KIF26B: variants seen among roughly 807,000 people sequenced by gnomAD.
KIF26B encodes kinesin family member 26B.
Under a neutral mutation model 151.2 loss-of-function variants are expected in KIF26B, and 63 were observed. The ratio of observed to expected loss-of-function variants is 0.42; its 90% CI spans 0.34 to 0.51. The LOEUF (loss-of-function observed/expected upper bound fraction) is 0.51. Ranked by LOEUF, KIF26B falls within the 20% of genes least tolerant of loss-of-function variation. The pLI, the probability that KIF26B is intolerant of heterozygous loss-of-function variation, is 0.07. For missense variants in KIF26B, 2,813 were observed against 2,913.6 expected (o/e 0.97, Z 0.79); for synonymous variants, 1,357 against 1,262.1 (o/e 1.08, Z -1.59).
chr1:245,570,226 A>G (rs904153169), intron 5 of KIF26B, among the ~76,000 whole-genome samples: 2 of 152,004 alleles, frequency 1.3e-5, no homozygotes, highest in African/African-American at 4.8e-5. Context: ...GTGAGCCACC[A>G]TGCCTGGCCT....
Position 245,464,557 on chromosome 1 carries a change from CTGTGTGGG to C in KIF26B, c.1166+44827_1166+44834del, listed in dbSNP as rs796760158. Among the ~76,000 whole-genome samples the C allele has an allele frequency of 8.5e-3, 1,000 of 117,502 alleles. 15 individuals are homozygous for C. The highest frequency in any genetic ancestry group is 0.032 in the African/African-American group (942 of 29,856). 77.1% of individuals were successfully genotyped at this position (117,502 alleles called of 152,430 possible). On this transcript the variant is annotated intron_variant, in intron 4 of 14. Transcript: ENST00000407071. ...TGTGTGGGTGTGCGTGGGTGTGTTC[CTGTGTGGG>C]TGTGTGGGTGTGTGTGCACGTGTGT...
chr1:245,307,448 C>A (rs1671576233), intron 2 of KIF26B, among the ~76,000 whole-genome samples: 1 of 152,070 alleles, frequency 6.6e-6, no homozygotes, highest in African/African-American at 2.4e-5. Context: ...AATATCTATT[C>A]AAGTTCAGCA....
At chr1:245,393,143 C>A (rs1454755097) in intron 3 of KIF26B, among the ~76,000 whole-genome samples, 1 of 152,092 alleles carries the variant, frequency 6.6e-6, no homozygotes, top group African/African-American at 2.4e-5. Context: ...TGCACTCCAG[C>A]CTGGGCAACA....
Position 245,203,246 on chromosome 1 carries a change from C to CAAAAA in KIF26B, c.465+46572_465+46576dup, listed in dbSNP as rs562600864. ...TGGGTGACAGAGCGCGACTCTGTCT[C>CAAAAA]AAAAAAAAAAAAAGAAAATGAGTTA... On this transcript the variant is annotated intron_variant, in intron 2 of 14. Coordinates refer to ENST00000407071, the MANE Select transcript of KIF26B (RefSeq NM_018012.4). Among the ~76,000 whole-genome samples the CAAAAA allele has an allele frequency of 9.8e-4, 29 of 29,566 alleles. 1 individual carries two copies. Among genetic ancestry groups the CAAAAA allele is most frequent in the African/African-American group, 2.3e-3 (12 of 5,158 alleles). 19.4% of individuals were successfully genotyped at this position (29,566 alleles called of 152,430 possible). A position where few individuals can be genotyped will look rare whatever the true frequency, so the allele number is the denominator to read the frequency against.
chr1:245,435,016 C>CATCA lies in KIF26B; in HGVS notation c.1166+15274_1166+15275insAATC, dbSNP rs1311448705. Among the ~76,000 whole-genome samples the CATCA allele has an allele frequency of 1.9e-3, 284 of 148,666 alleles. 1 individual carries two copies. The highest frequency in any genetic ancestry group is 6.8e-3 in the African/African-American group (275 of 40,180). On this transcript the variant is annotated intron_variant, in intron 4 of 14. Coordinates refer to ENST00000407071, the MANE Select transcript of KIF26B (RefSeq NM_018012.4). The stretch of plus-strand genomic sequence containing the variant: ...CCATCCATCCATCCATCCATCCATC[C>CATCA]ATCTCTCCATCCACCCATTCATCCA...
intron 2 of KIF26B, among the ~76,000 whole-genome samples, chr1:245,191,584 A>G (rs1669110381): frequency 6.6e-6 from 1 of 152,212 alleles, no homozygotes; most frequent in Admixed American, 6.5e-5. Flanking sequence ...ACAAGAGAAA[A>G]TATAGACAGG....
In KIF26B at chr1:245,156,345, A is replaced by G. The variant is rs767266307; in HGVS notation, c.127A>G (p.Lys43Glu). The G allele has an allele frequency of 6.5e-6, 10 of 1,547,154 alleles. No individual in the cohort carries two copies. Among genetic ancestry groups the G allele is most frequent in the Admixed American group, 3.9e-5 (2 of 50,916 alleles). ...APFSPESWYR[K>E]AYEESRAGSR... ...CTTCTCCCCGGAAAGCTGGTACCGG[A>G]AAGCATACGAGGAGTCGCGCGCCGG... Residue 43 changes from lysine to glutamate, a missense_variant, in exon 2 of 15, where the codon AAA becomes GAA. Physicochemically the swap from Lys to Glu is moderately conservative, Grantham distance 56. Around this residue, in one of 3 missense-constraint regions of KIF26B, gnomAD observed 676 missense variants for 688.1 expected, o/e 0.98. Coordinates refer to ENST00000407071, the MANE Select transcript of KIF26B (RefSeq NM_018012.4).
At chr1:245,345,597 G>A (rs1341388528) in intron 2 of KIF26B, among the ~76,000 whole-genome samples, 10 of 151,890 alleles carry the variant, frequency 6.6e-5, no homozygotes, top group African/African-American at 2.4e-4. Context: ...GTGGGAGGTG[G>A]GGCCTGGTGG....
intron 4 of KIF26B, among the ~76,000 whole-genome samples, chr1:245,461,352 G>A (rs1659640811): frequency 6.6e-6 from 1 of 151,634 alleles, no homozygotes; most frequent in Non-Finnish European, 1.5e-5. Context: ...AGAGTGCAGG[G>A]CTCACTGCAG....
At chr1:245,690,237 T>C (rs897682894) in intron 12 of KIF26B, among the ~76,000 whole-genome samples, 7 of 152,218 alleles carry the variant, frequency 4.6e-5, no homozygotes, top group African/African-American at 7.2e-5. Flanking sequence ...TGTGGCTTGG[T>C]TGAAGCCAGG....
intron 5 of KIF26B, among the ~76,000 whole-genome samples, chr1:245,583,802 CTT>C (rs913288697): frequency 6.6e-5 from 10 of 152,330 alleles, no homozygotes; most frequent in African/African-American, 2.2e-4. Context: ...CGAAGCATGA[CTT>C]TGCATCTCCT....
In KIF26B at chr1:245,670,716, T is replaced by C. The variant is rs558544818; in HGVS notation, c.2259-13517T>C. ...TGGAAAAGAATGTATCTTTCAATTT[T>C]TAATTTTTGTGGGTACATAGTAGGT... On this transcript the variant is annotated intron_variant, in intron 10 of 14. Coordinates refer to ENST00000407071, the MANE Select transcript of KIF26B (RefSeq NM_018012.4). 1.1e-4 allele frequency among the ~76,000 whole-genome samples: 17 copies of C among 152,304 alleles called. No individual in the cohort carries two copies. In the South Asian group the frequency reaches 3.5e-3, roughly 32 times the overall value.
intron 2 of KIF26B, among the ~76,000 whole-genome samples, chr1:245,211,618 C>T (rs935728828): frequency 6.6e-6 from 1 of 152,074 alleles, no homozygotes; most frequent in Non-Finnish European, 1.5e-5. Flanking sequence ...GGCTGGTCCT[C>T]AATTCCTGGC....
rs540118066 is a variant in KIF26B at position 245,507,721 on chromosome 1, A to G, written c.1167-33046A>G. 9.9e-5 allele frequency among the ~76,000 whole-genome samples: 15 copies of G among 152,222 alleles called. No homozygotes were observed. In the South Asian group the frequency reaches 2.9e-3, roughly 30 times the overall value. On this transcript the variant is annotated intron_variant, in intron 4 of 14. Coordinates refer to ENST00000407071, the MANE Select transcript of KIF26B (RefSeq NM_018012.4). ...AGACAGTGGAGAGGAGAGTCCCGGG[A>G]GGCAGCCTTCCCAGCCAGGCCACCC...
chr1:245,381,472 T>TGC (rs1208639981), intron 3 of KIF26B, among the ~76,000 whole-genome samples: 2 of 152,198 alleles, frequency 1.3e-5, no homozygotes, highest in African/African-American at 4.8e-5. Flanking sequence ...CTTAAAACAT[T>TGC]GCGAGATTTT....
chr1:245,255,926 A>G (rs2103567568), intron 2 of KIF26B, among the ~76,000 whole-genome samples: 1 of 152,296 alleles, frequency 6.6e-6, no homozygotes, highest in East Asian at 1.9e-4. Context: ...TGGTACTTAA[A>G]GTTAGTAAAT....
chr1:245,554,006 T>C (rs1273243724), intron 5 of KIF26B, among the ~76,000 whole-genome samples: 1 of 152,180 alleles, frequency 6.6e-6, no homozygotes, highest in African/African-American at 2.4e-5. Flanking sequence ...TACTTTCCTT[T>C]TTTCATGGAC....
chr1:245,434,718 G>T (rs1195614131), intron 4 of KIF26B, among the ~76,000 whole-genome samples: 1 of 152,084 alleles, frequency 6.6e-6, no homozygotes. Context: ...CTTGTCTCTA[G>T]GTGGGGATAA....
intron 4 of KIF26B, among the ~76,000 whole-genome samples, chr1:245,494,549 C>A (rs533463334): frequency 1.3e-5 from 2 of 152,210 alleles, no homozygotes; most frequent in East Asian, 1.9e-4. Context: ...GAGTCTCTAC[C>A]TTTCTCATAA....
Sources: allele counts gnomAD v4.1 joint callset (sites outside exome capture counted in the v4.1 genomes callset), GRCh38; gene constraint gnomAD v4.1.1; regional missense constraint gnomAD v4.1.1; transcripts MANE v1.5; gene names NCBI Gene and HGNC (gene_info 2026-07-23, HGNC 2026-07-21).